The following KAT14 variants were observed in gnomAD, a reference collection of about 807,000 sequenced individuals.
KAT14 encodes the protein cysteine-rich protein 2-binding protein.
A neutral mutation model predicts 78.4 loss-of-function variants in KAT14; 66 were observed. The observed-to-expected ratio is 0.84, with a 90% CI of 0.69 to 1.03. KAT14 has a LOEUF of 1.03. Ranked by LOEUF, KAT14 falls within the 50% of genes least tolerant of loss-of-function variation. The pLI, the probability that KAT14 is intolerant of heterozygous loss-of-function variation, is 0.00. For missense variants in KAT14, 870 were observed against 972.5 expected (o/e 0.89, Z 1.40); for synonymous variants, 344 against 359.4 (o/e 0.96, Z 0.48).
chr20:18,172,960 C>T (rs750265524), intron 7 of KAT14, among the ~76,000 whole-genome samples: 7 of 152,138 alleles, frequency 4.6e-5, no homozygotes, highest in African/African-American at 7.2e-5. Flanking sequence ...AAGTGCTTCT[C>T]AGTTTTCTCT....
chr20:18,181,234 G>T (rs6514848), intron 7 of KAT14, among the ~76,000 whole-genome samples: 11 of 151,866 alleles, frequency 7.2e-5, no homozygotes, highest in Admixed American at 6.6e-4. Flanking sequence ...TTATGCAAAG[G>T]TGTCTATAAA....
intron 7 of KAT14, among the ~76,000 whole-genome samples, chr20:18,171,922 C>T (rs1168538704): frequency 6.6e-6 from 1 of 152,164 alleles, no homozygotes; most frequent in Non-Finnish European, 1.5e-5. Flanking sequence ...CAGCCACCAC[C>T]ACCCTGATCA....
At chr20:18,143,029 ATATT>A (rs1232133954) in intron 2 of KAT14, 110 bp downstream of exon 2, 27 of 1,456,904 alleles carry the variant, frequency 1.9e-5, no homozygotes, top group African/African-American at 7.1e-5. Context: ...AAGGATAATT[ATATT>A]TATTCTCTAG....
chr20:18,143,697 G>T (rs1235083698), intron 2 of KAT14, among the ~76,000 whole-genome samples: 1 of 143,892 alleles, frequency 6.9e-6, no homozygotes, highest in African/African-American at 2.6e-5. Flanking sequence ...GCATGATCTT[G>T]GCTCACTGCA....
intron 7 of KAT14, among the ~76,000 whole-genome samples, chr20:18,180,504 C>T (rs558572146): frequency 6.6e-6 from 1 of 152,298 alleles, no homozygotes; most frequent in Non-Finnish European, 1.5e-5. Flanking sequence ...ATACCCAGTT[C>T]CAAAGTCATT....
chr20:18,162,631 A>T lies in KAT14; in HGVS notation c.1354A>T (p.Thr452Ser). 5.0e-6 allele frequency: 8 copies of T among 1,614,184 alleles called. No homozygotes were observed. The highest frequency in any genetic ancestry group is 5.9e-6 in the Non-Finnish European group (7 of 1,180,028). The change falls in exon 7 of 11, where the codon ACA becomes TCA. Residue 452 changes from threonine (T) to serine (S), a missense_variant. Physicochemically the swap from Thr to Ser is moderately conservative, Grantham distance 58. Transcript: ENST00000688188. The part of the protein sequence containing the change: ...EKRKPQLEKD[T>S]KPKEPRYTPV... ...GAGGAAGCCTCAGCTGGAGAAGGAC[A>T]CAAAGCCGAAAGAGCCCAGGTATAC... is the stretch of plus-strand genomic sequence containing the variant.
Position 18,142,917 on chromosome 20 carries a change from C to G in KAT14, c.257C>G (p.Ala86Gly), listed in dbSNP as rs775908942. 12 of 1,613,326 alleles carry G rather than the reference C, an allele frequency of 7.4e-6. No individual in the cohort carries two copies. The highest frequency in any genetic ancestry group is 1.3e-5 in the African/African-American group (1 of 75,020). ...FCDKCQKWIP[A>G]SQLREQLSYL... ...GACAAGTGCCAAAAATGGATACCAG[C>G]CAGTAAGGAGCTTCTCAATTCCTTT... The change falls in exon 2 of 11, where the codon GCC becomes GGC. Residue 86 changes from alanine to glycine, a missense_variant and splice_region_variant. Transcript: ENST00000688188.
intron 9 of KAT14, chr20:18,183,591 A>G: frequency 2.1e-6 from 2 of 954,364 alleles, no homozygotes; most frequent in Non-Finnish European, 2.5e-6. Flanking sequence ...GGTAATGTCT[A>G]TCAAAGATAC....
At chr20:18,163,000 G>A in intron 7 of KAT14, 55 bp downstream of exon 7, 1 of 1,564,442 alleles carries the variant, frequency 6.4e-7, no homozygotes, top group Middle Eastern at 1.7e-4. Flanking sequence ...AGGTGGGGCA[G>A]GCAGCACTAG....
At chr20:18,167,864 T>C (rs963247619) in intron 7 of KAT14, among the ~76,000 whole-genome samples, 23 of 148,414 alleles carry the variant, frequency 1.5e-4, no homozygotes, top group African/African-American at 5.8e-4. Flanking sequence ...CCTTATTCTT[T>C]TTTTAATATC....
At chr20:18,143,288 T>C (rs1436692660) in intron 2 of KAT14, 6 of 616,880 alleles carry the variant, frequency 9.7e-6, no homozygotes, top group Non-Finnish European at 1.3e-5. Flanking sequence ...TTTGTTAATA[T>C]TTAACTTACG....
chr20:18,145,686 C>T (rs1011001927), intron 3 of KAT14, among the ~76,000 whole-genome samples: 2 of 151,734 alleles, frequency 1.3e-5, no homozygotes, highest in African/African-American at 4.8e-5. Context: ...GAGACTGAGG[C>T]AGGAGAATCG....
chr20:18,147,117 GGTGTTCCTT>G (rs1446942768), intron 3 of KAT14, among the ~76,000 whole-genome samples: 1 of 152,142 alleles, frequency 6.6e-6, no homozygotes, highest in Non-Finnish European at 1.5e-5. Flanking sequence ...AGCCACTTAT[GGTGTTCCTT>G]GTAAATTGTA....
At chr20:18,165,096 G>A (rs2038593012) in intron 7 of KAT14, among the ~76,000 whole-genome samples, 1 of 152,144 alleles carries the variant, frequency 6.6e-6, no homozygotes, top group South Asian at 2.1e-4. Flanking sequence ...AAAGAGTGTT[G>A]TAAACACCTT....
In KAT14 at chr20:18,184,736, C is replaced by A. The variant is rs768575880; in HGVS notation, c.2116C>A (p.His706Asn). The change falls in exon 10 of 11, where the codon CAC (histidine) becomes AAC (asparagine). Residue 706 changes from histidine to asparagine, a missense_variant. By Grantham distance (68) the His-to-Asn change is moderately conservative. Transcript: ENST00000688188. ...NEAYISFLFV[H>N]PEWRRAGIAT... is the part of the protein sequence containing the mutation. ...AGCTTACATTTCATTTCTGTTCGTCCACCCTGAATGGAGAAGAGCAGGGAT... is the reference window on the plus strand; with the variant it reads ...AGCTTACATTTCATTTCTGTTCGTCAACCCTGAATGGAGAAGAGCAGGGAT... The A allele has an allele frequency of 1.9e-6, 3 of 1,613,268 alleles. No homozygotes were observed. The South Asian group carries it at 3.3e-5, about 18-fold the overall frequency.
chr20:18,179,162 C>T (rs1486648912), intron 7 of KAT14, among the ~76,000 whole-genome samples: 1 of 152,216 alleles, frequency 6.6e-6, no homozygotes, highest in Non-Finnish European at 1.5e-5. Context: ...TGTGGCTTTG[C>T]AGGGTATAGC....
At chr20:18,164,080 G>T (rs1363276938) in intron 7 of KAT14, among the ~76,000 whole-genome samples, 1 of 152,186 alleles carries the variant, frequency 6.6e-6, no homozygotes, top group South Asian at 2.1e-4. Flanking sequence ...ACTAAAATGG[G>T]CAGTGGACTG....
intron 7 of KAT14, among the ~76,000 whole-genome samples, chr20:18,166,226 G>A (rs576793449): frequency 6.6e-6 from 1 of 152,172 alleles, no homozygotes; most frequent in Non-Finnish European, 1.5e-5. Context: ...TATCCCTTAC[G>A]CACTTGGGTC....
chr20:18,141,872 C>G (rs1015684789), intron 1 of KAT14, among the ~76,000 whole-genome samples: 1 of 151,812 alleles, frequency 6.6e-6, no homozygotes, highest in East Asian at 1.9e-4. Flanking sequence ...GGCGACAGAG[C>G]GAGACTCTTG....
Sources: allele counts gnomAD v4.1 joint callset (sites outside exome capture counted in the v4.1 genomes callset), GRCh38; gene constraint gnomAD v4.1.1; transcripts MANE v1.5; gene names NCBI Gene and HGNC (gene_info 2026-07-23, HGNC 2026-07-21).